MRTFB: variants seen among roughly 807,000 people sequenced by gnomAD.
MRTFB encodes the protein myocardin related transcription factor B, also known as myocardin-related transcription factor B.
MRTFB carries 29 observed loss-of-function variants against 104.2 expected under a neutral mutation model. The ratio of observed to expected loss-of-function variants is 0.28; its 90% confidence interval spans 0.21 to 0.38. The LOEUF (loss-of-function observed/expected upper bound fraction) is 0.38, where lower values mean the gene tolerates loss of function less well. MRTFB is among the 10% of genes least tolerant of loss of function. The pLI is 1.00. For missense variants in MRTFB, 1,270 were observed against 1,341.6 expected, an observed-to-expected ratio of 0.95 and a Z score of 0.83; for synonymous variants, 535 against 519.5, an observed-to-expected ratio of 1.03 and a Z score of -0.41.
intron 2 of MRTFB, among the ~76,000 whole-genome samples, chr16:14,130,878 A>T (rs1052010033): frequency 2.0e-5 from 3 of 152,162 alleles, no homozygotes; most frequent in African/African-American, 7.2e-5. Context: ...AAAACACCTT[A>T]TAAAATTATC....
intron 3 of MRTFB, chr16:14,149,672 C>G (rs2038514408): frequency 6.6e-6 from 1 of 152,190 alleles, no homozygotes; most frequent in Non-Finnish European, 1.5e-5. Flanking sequence ...CATTGTGCCT[C>G]TTACTCTAAA....
At chr16:14,149,338 CAA>C (rs1365993150) in intron 3 of MRTFB, 4 of 152,044 alleles carry the variant, frequency 2.6e-5, no homozygotes, top group African/African-American at 9.7e-5. Flanking sequence ...ACAAGAAAAG[CAA>C]AAAGTCTGAT....
the MRTFB span, among the ~76,000 whole-genome samples, chr16:14,059,181 T>C: frequency 2.0e-5 from 3 of 152,148 alleles, no homozygotes; most frequent in African/African-American, 7.2e-5. Flanking sequence ...AATCAGGGTA[T>C]TAACATATCT....
intron 2 of MRTFB, among the ~76,000 whole-genome samples, chr16:14,084,687 G>C (rs1156985855): frequency 1.3e-5 from 2 of 152,202 alleles, no homozygotes; most frequent in African/African-American, 2.4e-5. Context: ...TTATGTGACT[G>C]TGCATTCATA....
chr16:14,185,263 A>G (rs1282570949), intron 3 of MRTFB, among the ~76,000 whole-genome samples: 3 of 152,204 alleles, frequency 2.0e-5, no homozygotes, highest in Non-Finnish European at 4.4e-5. Flanking sequence ...ATAGATAGCA[A>G]TCTTTCTAGA....
At position 14,176,437 on chromosome 16, in the gene MRTFB, TC is replaced by T. The variant is rs79883442; in HGVS notation, c.155-33805del. Among the ~76,000 whole-genome samples the T allele has an allele frequency of 1.2e-3, 185 of 152,364 alleles. 6 individuals are homozygous for T. In the East Asian group the frequency reaches 0.031, roughly 26 times the overall value. The stretch of plus-strand genomic sequence containing the variant: ...AAAGGTTAGACACATCCAGCCTTTC[TC>T]AGCCCAGAGAATTAAACCCTACAAA... On this transcript the variant is annotated intron_variant, in intron 3 of 16. Coordinates refer to ENST00000571589, the MANE Select transcript of MRTFB (RefSeq NM_001308142.2).
chr16:14,051,769 A>G, the MRTFB span, among the ~76,000 whole-genome samples: 1 of 152,194 alleles, frequency 6.6e-6, no homozygotes, highest in Non-Finnish European at 1.5e-5. Flanking sequence ...TGTTCAACGC[A>G]CACTTATGAG....
At chr16:14,260,478 A>G (rs2043723499) in intron 16 of MRTFB, among the ~76,000 whole-genome samples, 1 of 152,212 alleles carries the variant, frequency 6.6e-6, no homozygotes, top group African/African-American at 2.4e-5. Context: ...TCATGTTGCT[A>G]TAGATAGATT....
the MRTFB span, among the ~76,000 whole-genome samples, chr16:13,997,732 G>A: frequency 6.9e-6 from 1 of 145,902 alleles, no homozygotes. Flanking sequence ...GGCGGAGGTT[G>A]CAGTGAGTCA....
the MRTFB span, among the ~76,000 whole-genome samples, chr16:14,007,381 A>T: frequency 1.3e-5 from 2 of 152,180 alleles, no homozygotes; most frequent in African/African-American, 4.8e-5. Context: ...TCATGCTTTT[A>T]AGTTCCCCCA....
chr16:14,170,880 A>G (rs1174507513), intron 3 of MRTFB, among the ~76,000 whole-genome samples: 1 of 152,228 alleles, frequency 6.6e-6, no homozygotes, highest in Non-Finnish European at 1.5e-5. Context: ...AAGTGGTAAT[A>G]ATTCCATCTT....
rs762524630 is a variant in MRTFB, at chr16:14,209,443, CAG to C, written c.155-797_155-796del. On this transcript the variant is annotated intron_variant, in intron 3 of 16. Coordinates refer to ENST00000571589, the MANE Select transcript of MRTFB (RefSeq NM_001308142.2). The stretch of plus-strand genomic sequence containing the variant: ...AAAGCAAAGCAAGAAAAATATTTTT[CAG>C]AGTCACCTCCTGTATTCCCCTTATT... Among the ~76,000 whole-genome samples, 12 of 152,144 alleles carry C rather than the reference CAG, an allele frequency of 7.9e-5. 1 individual carries two copies. The highest frequency in any genetic ancestry group is 1.2e-4 in the African/African-American group (5 of 41,444).
At chr16:14,252,143 G>A in intron 14 of MRTFB, 120 bp downstream of exon 14, 3 of 1,273,720 alleles carry the variant, frequency 2.4e-6, no homozygotes, top group Non-Finnish European at 3.2e-6. Context: ...TGAAAATACA[G>A]TGATAACTTG....
chr16:14,022,746 CTTT>C, the MRTFB span, among the ~76,000 whole-genome samples: 36 of 88,628 alleles, frequency 4.1e-4, no homozygotes, highest in Admixed American at 4.7e-4. Flanking sequence ...TAATACTGTT[CTTT>C]TTTTTTTTTT....
intron 15 of MRTFB, among the ~76,000 whole-genome samples, chr16:14,257,882 C>T (rs944891373): frequency 3.9e-5 from 6 of 152,124 alleles, no homozygotes; most frequent in Non-Finnish European, 5.9e-5. Context: ...GCATAGAAAT[C>T]GGTGGAGCTG....
At chr16:14,248,888 G>A in intron 12 of MRTFB, 38 bp from the exon 13 acceptor site, 1 of 1,603,854 alleles carries the variant, frequency 6.2e-7, no homozygotes, top group Non-Finnish European at 8.5e-7. Context: ...CTTTGATTCT[G>A]ACAATTAAAT....
intron 3 of MRTFB, among the ~76,000 whole-genome samples, chr16:14,183,482 A>G (rs367653989): frequency 4.6e-5 from 7 of 152,150 alleles, no homozygotes; most frequent in African/African-American, 7.2e-5. Context: ...AGATATATCA[A>G]TGTTAACTTG....
At chr16:14,091,455 G>A (rs1178290215) in intron 2 of MRTFB, among the ~76,000 whole-genome samples, 1 of 152,186 alleles carries the variant, frequency 6.6e-6, no homozygotes, top group Non-Finnish European at 1.5e-5. Flanking sequence ...CAACCAAGAG[G>A]AAGGAAACAG....
Position 14,261,272 on chromosome 16 carries a change from G to C in MRTFB, c.3128G>C (p.Gly1043Ala). 1 of 1,614,042 alleles carries C rather than the reference G, an allele frequency of 6.2e-7. No individual in the cohort carries two copies. Among genetic ancestry groups the C allele is most frequent in the Non-Finnish European group, 8.5e-7 (1 of 1,180,024 alleles). The change falls in exon 17 of 17, where the codon GGT (glycine) becomes GCT (alanine). Residue 1043 changes from glycine to alanine, a missense_variant. Gly to Ala is a moderately conservative substitution (Grantham distance 60). This residue lies in a region of MRTFB where 1,144 missense variants were observed against 1,131.5 expected (regional missense o/e 1.01). Transcript: ENST00000571589. ...ACTTCCGAGACCCAGTTTGCTGCAG[G>C]TACTCCCTGTCTGTCTCTCGACCTG... ...METSETQFAA[G>A]TPCLSLDLSD... is the part of the protein sequence containing the mutation.
Sources: gnomAD v4.1 joint callset for allele counts (sites outside exome capture counted in the v4.1 genomes callset) on GRCh38, gnomAD v4.1.1 for gene constraint, gnomAD v4.1.1 regional missense constraint, MANE v1.5 for transcripts, NCBI Gene and HGNC (gene_info 2026-07-23, HGNC 2026-07-21) for gene names.